The following NFATC3 variants were observed in gnomAD, a reference collection of about 807,000 sequenced individuals.
NFATC3 encodes the protein nuclear factor of activated T cells 3.
A neutral mutation model predicts 98.6 loss-of-function variants in NFATC3; 46 were observed. The observed-to-expected ratio is 0.47, with a 90% CI of 0.37 to 0.60. The LOEUF (loss-of-function observed/expected upper bound fraction) is 0.60, where lower values mean the gene tolerates loss of function less well. NFATC3 is among the 20% of genes least tolerant of loss of function. The probability of loss-of-function intolerance (pLI) is 0.00; values close to 1 mark genes in which losing one functional copy is unlikely to be tolerated. For missense variants in NFATC3, 1,256 were observed against 1,295.5 expected (o/e 0.97, Z 0.47); for synonymous variants, 512 against 472.2 (o/e 1.08, Z -1.09).
chr16:68,115,866 A>C (rs1018326026), intron 1 of NFATC3, among the ~76,000 whole-genome samples: 2 of 152,222 alleles, frequency 1.3e-5, no homozygotes, highest in Non-Finnish European at 2.9e-5. Flanking sequence ...ATAACAGTAT[A>C]ACCACACTCC....
intron 3 of NFATC3, among the ~76,000 whole-genome samples, chr16:68,134,705 G>GTT (rs900987059): frequency 2.0e-5 from 3 of 152,028 alleles, no homozygotes; most frequent in African/African-American, 7.2e-5. Flanking sequence ...TTGTTTTGGG[G>GTT]TTTTTTTGGG....
At chr16:68,126,391 A>G in intron 2 of NFATC3, 57 bp from the exon 3 acceptor site, 1 of 1,517,514 alleles carries the variant, frequency 6.6e-7, no homozygotes, top group South Asian at 1.2e-5. Context: ...AGCCATTTGA[A>G]TCATTGCTTG....
Position 68,167,810 on chromosome 16 carries a change from CTTTTTTTTTTTTTTTTTTTTT to C in NFATC3, c.1774+814_1774+834del, listed in dbSNP as rs35302776. ...TTTATATCTGTTAACCGTATGTGTT[CTTTTTTTTTTTTTTTTTTTTT>C]TTTTTTTTTTTTTTTTTTGAGACGG... On this transcript the variant is annotated intron_variant, in intron 5 of 9. Transcript: ENST00000346183. Among the ~76,000 whole-genome samples, 107 of 23,918 alleles carry C rather than the reference CTTTTTTTTTTTTTTTTTTTTT, an allele frequency of 4.5e-3. 1 individual carries two copies. Among genetic ancestry groups the C allele is most frequent in the African/African-American group, 8.6e-3 (91 of 10,546 alleles). 15.7% of individuals were successfully genotyped at this position (23,918 alleles called of 152,430 possible).
chr16:68,126,572 G>A lies in NFATC3; in HGVS notation c.1363G>A (p.Ala455Thr). The A allele has an allele frequency of 6.2e-7, 1 of 1,614,172 alleles. No homozygotes were observed. The highest frequency in any genetic ancestry group is 8.5e-7 in the Non-Finnish European group (1 of 1,180,026). The change falls in exon 3 of 10, where the codon GCA becomes ACA. Residue 455 changes from alanine to threonine, a missense_variant. Ala to Thr is a moderately conservative substitution (Grantham distance 58). Transcript: ENST00000346183. ...TTATGAAACTGAAGGTAGCCGAGGG[G>A]CAGTAAAAGCATCTACTGGGGGACA... ...AHYETEGSRGAVKASTGGHPV... is the reference protein window; with the variant it reads ...AHYETEGSRGTVKASTGGHPV...
At chr16:68,192,854 C>A (rs1445244123) in intron 9 of NFATC3, among the ~76,000 whole-genome samples, 1 of 151,990 alleles carries the variant, frequency 6.6e-6, no homozygotes, top group East Asian at 1.9e-4. Flanking sequence ...CAGAGTGAGA[C>A]CCTGCCTCAA....
At chr16:68,201,749 G>A (rs1318678296) in intron 9 of NFATC3, among the ~76,000 whole-genome samples, 8 of 149,898 alleles carry the variant, frequency 5.3e-5, no homozygotes, top group African/African-American at 1.7e-4. Context: ...TCAGGAGTTC[G>A]AGTCCAGCCT....
In NFATC3 at chr16:68,122,688, T is replaced by A. The variant is rs139500568; in HGVS notation, c.805T>A (p.Ser269Thr). 4,208 of 1,614,114 alleles carry A rather than the reference T, an allele frequency of 2.6e-3. 182 individuals carry two copies. In the Admixed American group the frequency reaches 0.065, roughly 25 times the overall value. The change falls in exon 2 of 10, where the codon TCC becomes ACC. Residue 269 changes from serine to threonine, a missense_variant. This residue lies in a region of NFATC3 where 464 missense variants were observed against 465.7 expected (regional missense o/e 1.00). Coordinates refer to ENST00000346183, the MANE Select transcript of NFATC3 (RefSeq NM_173165.3). Reference sequence around the variant, plus strand: ...CTCAGGACCCTCATCAAGGCCCACATCCCCCTGTGGGAAACGGAGGCACTC... The same window carrying A: ...CTCAGGACCCTCATCAAGGCCCACAACCCCCTGTGGGAAACGGAGGCACTC... The part of the protein sequence containing the change: ...PASGPSSRPT[S>T]PCGKRRHSSA...
chr16:68,213,933 A>G (rs1396142097), intron 9 of NFATC3, among the ~76,000 whole-genome samples: 1 of 152,238 alleles, frequency 6.6e-6, no homozygotes, highest in Non-Finnish European at 1.5e-5. Flanking sequence ...GTATTTTTAT[A>G]AAACATTCAG....
intron 5 of NFATC3, among the ~76,000 whole-genome samples, chr16:68,169,011 C>G (rs1202857151): frequency 6.6e-6 from 1 of 152,138 alleles, no homozygotes; most frequent in African/African-American, 2.4e-5. Flanking sequence ...TCTCGAACTC[C>G]TGGGCACAAG....
intron 8 of NFATC3, among the ~76,000 whole-genome samples, chr16:68,183,654 C>T (rs992150599): frequency 5.3e-5 from 8 of 152,164 alleles, no homozygotes; most frequent in African/African-American, 9.6e-5. Flanking sequence ...GGCAGGTGTT[C>T]GTGAGTATGT....
intron 1 of NFATC3, among the ~76,000 whole-genome samples, chr16:68,111,860 T>C (rs1199727171): frequency 2.0e-5 from 3 of 152,212 alleles, no homozygotes; most frequent in Non-Finnish European, 4.4e-5. Flanking sequence ...TGAAAAGGAC[T>C]TTATTTCTCT....
At chr16:68,197,603 G>A (rs1359974066) in intron 9 of NFATC3, among the ~76,000 whole-genome samples, 2 of 151,722 alleles carry the variant, frequency 1.3e-5, no homozygotes, top group African/African-American at 4.9e-5. Flanking sequence ...TTTTAAGTGA[G>A]TCATAGAACA....
intron 8 of NFATC3, among the ~76,000 whole-genome samples, chr16:68,185,862 C>CAAAAAAAAAA (rs764335192): frequency 2.0e-5 from 1 of 49,344 alleles, no homozygotes; most frequent in Non-Finnish European, 4.5e-5. Flanking sequence ...GACTCCGTCT[C>CAAAAAAAAAA]AAAAAAAAAA....
chr16:68,221,480 G>A, intron 9 of NFATC3: 1 of 1,289,944 alleles, frequency 7.8e-7, no homozygotes, highest in Non-Finnish European at 9.8e-7. Context: ...GATTTTTGTT[G>A]TCATTGTTCC....
intron 9 of NFATC3, among the ~76,000 whole-genome samples, chr16:68,220,592 TCC>T: frequency 6.7e-6 from 1 of 150,372 alleles, no homozygotes; most frequent in South Asian, 2.1e-4. Context: ...AGTTTATTTT[TCC>T]TTTTTTTTTT....
At chr16:68,108,884 G>C (rs1341756375) in intron 1 of NFATC3, among the ~76,000 whole-genome samples, 1 of 152,082 alleles carries the variant, frequency 6.6e-6, no homozygotes, top group Non-Finnish European at 1.5e-5. Flanking sequence ...CTTGTCTCTT[G>C]TTGGCGTAAA....
rs2036612200 is a variant in NFATC3, at chr16:68,122,109, C to T, written c.226C>T (p.Pro76Ser). ...GLPSHSSVLS[P>S]SFQLQSHKNY... is the part of the protein sequence containing the mutation. ...ACCGTCTCACTCTTCTGTTTTGTCA[C>T]CATCGTTTCAGCTCCAAAGTCACAA... Residue 76 changes from proline to serine, a missense_variant, in exon 2 of 10, where the codon CCA (proline) becomes TCA (serine). By Grantham distance (74) the Pro-to-Ser change is moderately conservative (BLOSUM62 -1). Around this residue, in one of 3 missense-constraint regions of NFATC3, gnomAD observed 464 missense variants for 465.7 expected, o/e 1.00. Coordinates refer to ENST00000346183, the MANE Select transcript of NFATC3 (RefSeq NM_173165.3). 6.2e-7 allele frequency: 1 copy of T among 1,614,084 alleles called. No individual in the cohort carries two copies. Among genetic ancestry groups the T allele is most frequent in the Non-Finnish European group, 8.5e-7 (1 of 1,180,020 alleles).
intron 1 of NFATC3, among the ~76,000 whole-genome samples, chr16:68,112,771 G>A (rs2036047820): frequency 6.8e-6 from 1 of 146,104 alleles, no homozygotes; most frequent in Non-Finnish European, 1.5e-5. Flanking sequence ...CCATTCTCCT[G>A]CCTCAGCCTC....
At chr16:68,207,456 G>C (rs964779452) in intron 9 of NFATC3, among the ~76,000 whole-genome samples, 2 of 152,038 alleles carry the variant, frequency 1.3e-5, no homozygotes, top group Non-Finnish European at 2.9e-5. Context: ...GGGTCCTATG[G>C]TAATTCTGTG....
Sources: allele counts gnomAD v4.1 joint callset (sites outside exome capture counted in the v4.1 genomes callset), GRCh38; gene constraint gnomAD v4.1.1; regional missense constraint gnomAD v4.1.1; transcripts MANE v1.5; gene names NCBI Gene and HGNC (gene_info 2026-07-23, HGNC 2026-07-21).